BAZ2B: variants seen among roughly 807,000 people sequenced by gnomAD.
BAZ2B encodes the protein bromodomain adjacent to zinc finger domain 2B, also known as bromodomain adjacent to zinc finger domain protein 2B.
BAZ2B carries 91 observed loss-of-function variants against 246.0 expected under a neutral mutation model. The ratio of observed to expected loss-of-function variants is 0.37; its 90% CI spans 0.31 to 0.44. The LOEUF (loss-of-function observed/expected upper bound fraction) is 0.44, where lower values mean the gene tolerates loss of function less well. BAZ2B is among the 20% of genes least tolerant of loss of function. The pLI, the probability that BAZ2B is intolerant of heterozygous loss-of-function variation, is 1.00. For synonymous variants in BAZ2B, 855 were observed against 860.0 expected, an observed-to-expected ratio of 0.99 and a Z score of 0.10; for missense variants, 2,332 against 2,533.7, an observed-to-expected ratio of 0.92 and a Z score of 1.71.
rs143363688 is a variant in BAZ2B at position 159,530,951 on chromosome 2, C to T, written c.-3+24872G>A. On this transcript the variant is annotated intron_variant, in intron 2 of 36. Transcript: ENST00000392783. Reference sequence around the variant, plus strand: ...CGCCACTGCACTCTAGCCTGGGCAACAGAGACTCCGTCTCAAAACAAACAA... The same window carrying T: ...CGCCACTGCACTCTAGCCTGGGCAATAGAGACTCCGTCTCAAAACAAACAA... Among the ~76,000 whole-genome samples the T allele has an allele frequency of 1.9e-3, 282 of 151,806 alleles. 1 individual carries two copies. Among genetic ancestry groups the T allele is most frequent in the Non-Finnish European group, 3.1e-3 (213 of 67,834 alleles).
Position 159,349,777 on chromosome 2 carries a change from G to A in BAZ2B, c.4794C>T (p.Thr1598=), listed in dbSNP as rs371005064. The A allele has an allele frequency of 9.3e-6, 15 of 1,613,988 alleles. No individual in the cohort carries two copies. The highest frequency in any genetic ancestry group is 8.0e-5 in the African/African-American group (6 of 74,924). Residue 1598 remains threonine, a synonymous_variant, in exon 28 of 37, where the codon ACC becomes ACT. Coordinates refer to ENST00000392783, the MANE Select transcript of BAZ2B (RefSeq NM_013450.4). The part of the protein sequence containing the change: ...SQPPSKSPSP[T]PAPLGSSAQN... ...GAGCAGAAGATCCAAGAGGAGCTGG[G>A]GTAGGTGAAGGTGACTTAGATGGTG...
chr2:159,597,668 A>G (rs1393602664), intron 1 of BAZ2B, among the ~76,000 whole-genome samples: 3 of 152,148 alleles, frequency 2.0e-5, no homozygotes, highest in African/African-American at 7.2e-5. Flanking sequence ...CTGGGATTTC[A>G]GGCATGTGCC....
At chr2:159,455,705 A>C (rs2075649140) in intron 3 of BAZ2B, among the ~76,000 whole-genome samples, 1 of 151,600 alleles carries the variant, frequency 6.6e-6, no homozygotes. Context: ...TACTGCCAAA[A>C]AAGCTACCCA....
At chr2:159,648,906 A>C in the BAZ2B span, among the ~76,000 whole-genome samples, 1 of 152,172 alleles carries the variant, frequency 6.6e-6, no homozygotes, top group African/African-American at 2.4e-5. Context: ...CTGTTTACCA[A>C]AGTGGCTATA....
At chr2:159,556,522 G>A (rs775551589) in intron 1 of BAZ2B, among the ~76,000 whole-genome samples, 3 of 139,196 alleles carry the variant, frequency 2.2e-5, no homozygotes, top group South Asian at 2.1e-4. Flanking sequence ...GTGCAGTGGC[G>A]CGATCGTGGC....
chr2:159,355,060 C>G (rs7583758), intron 27 of BAZ2B, among the ~76,000 whole-genome samples: 62,307 of 152,058 alleles, frequency 0.41, 13,519 homozygotes, highest in Middle Eastern at 0.51. Flanking sequence ...ATCATTCTTG[C>G]TTCCAGTGAA....
At chr2:159,331,365 A>T (rs1039860657) in intron 34 of BAZ2B, among the ~76,000 whole-genome samples, 1 of 152,010 alleles carries the variant, frequency 6.6e-6, no homozygotes, top group Admixed American at 6.6e-5. Context: ...CTAACACCTT[A>T]TTTATTTATT....
intron 2 of BAZ2B, among the ~76,000 whole-genome samples, chr2:159,508,433 T>C (rs2151163587): frequency 6.6e-6 from 1 of 152,320 alleles, no homozygotes; most frequent in East Asian, 1.9e-4. Flanking sequence ...TTTGTTACAA[T>C]TATATGCTCT....
In BAZ2B at chr2:159,336,922, T is replaced by C; in HGVS notation, c.5796+20A>G. The C allele has an allele frequency of 1.3e-6, 2 of 1,556,232 alleles. No individual in the cohort carries two copies. Among genetic ancestry groups the C allele is most frequent in the Non-Finnish European group, 1.8e-6 (2 of 1,136,592 alleles). ...GACAAAGTAAATTAGTTATAATATT[T>C]CTTAAATAAAAACACTTACAACTTT... On this transcript the variant is annotated intron_variant, in intron 33 of 36. Transcript: ENST00000392783.
the BAZ2B span, among the ~76,000 whole-genome samples, chr2:159,692,920 T>C: frequency 2.0e-5 from 3 of 152,092 alleles, no homozygotes; most frequent in East Asian, 5.8e-4. Flanking sequence ...GCCATCCTCC[T>C]TTCTCAGTTT....
At chr2:159,570,727 TC>T (rs1255036440) in intron 1 of BAZ2B, among the ~76,000 whole-genome samples, 1 of 152,226 alleles carries the variant, frequency 6.6e-6, no homozygotes, top group African/African-American at 2.4e-5. Context: ...CTCTGACCTC[TC>T]CCTTCCAACT....
intron 1 of BAZ2B, among the ~76,000 whole-genome samples, chr2:159,582,806 T>G (rs1687141254): frequency 6.6e-6 from 1 of 152,238 alleles, no homozygotes; most frequent in Non-Finnish European, 1.5e-5. Context: ...AAAGACTTCC[T>G]AAGATATTCA....
At chr2:159,469,458 C>G (rs1339727289) in intron 3 of BAZ2B, among the ~76,000 whole-genome samples, 1 of 151,994 alleles carries the variant, frequency 6.6e-6, no homozygotes, top group Non-Finnish European at 1.5e-5. Flanking sequence ...ATTTTTGAGA[C>G]CGAGTCTCGC....
rs538397647 is a variant in BAZ2B, at chr2:159,382,932, T to TA, written c.3762-131dup. ...TTTGTGTTAAGCGATATACCAATGT[T>TA]AAAAAAAATTAGAATTAGGAAACTT... is the stretch of plus-strand genomic sequence containing the variant. On this transcript the variant is annotated intron_variant, in intron 24 of 36. Coordinates refer to ENST00000392783, the MANE Select transcript of BAZ2B (RefSeq NM_013450.4). 1,150 of 1,217,696 alleles carry TA rather than the reference T, an allele frequency of 9.4e-4. 9 individuals are homozygous for TA. The South Asian group carries it at 0.011, about 11-fold the overall frequency. 75.4% of individuals were successfully genotyped at this position (1,217,696 alleles called of 1,614,324 possible). A position where few individuals can be genotyped will look rare whatever the true frequency, so the allele number is the denominator to read the frequency against.
In BAZ2B at chr2:159,463,075, T is replaced by C; in HGVS notation, c.146-9274A>G. 8.4e-6 allele frequency: 6 copies of C among 714,872 alleles called. 1 individual carries two copies. Among genetic ancestry groups the C allele is most frequent in the African/African-American group, 7.0e-5 (4 of 57,216 alleles). The allele number at this position is 714,872 out of a possible 1,614,324, so 44.3% of individuals were successfully genotyped here. ...TCCTTCCATCTTCACGGGTGTGAAC[T>C]GATCCATGTTATAATGGGCAAATGC... On this transcript the variant is annotated intron_variant, in intron 3 of 36. Transcript: ENST00000392783.
chr2:159,681,411 A>C, the BAZ2B span, among the ~76,000 whole-genome samples: 1 of 151,550 alleles, frequency 6.6e-6, no homozygotes, highest in Non-Finnish European at 1.5e-5. Flanking sequence ...CAATACATAG[A>C]TATGAAAAAG....
At chr2:159,623,829 T>C in the BAZ2B span, among the ~76,000 whole-genome samples, 1 of 152,210 alleles carries the variant, frequency 6.6e-6, no homozygotes, top group Non-Finnish European at 1.5e-5. Context: ...CTGGAAATAA[T>C]CCAAATATCT....
Position 159,488,039 on chromosome 2 carries a change from AT to A in BAZ2B, c.-2-9319del, listed in dbSNP as rs560867987. Among the ~76,000 whole-genome samples the A allele has an allele frequency of 1.5e-3, 218 of 149,220 alleles. 2 individuals carry two copies. Among genetic ancestry groups the A allele is most frequent in the African/African-American group, 4.6e-3 (187 of 40,842 alleles). On this transcript the variant is annotated intron_variant, in intron 2 of 36. Coordinates refer to ENST00000392783, the MANE Select transcript of BAZ2B (RefSeq NM_013450.4). ...GGATTACAGGCCACAGCCCAATTGG[AT>A]TTTTTTTTTAACACAAAGAATTGGA...
intron 1 of BAZ2B, among the ~76,000 whole-genome samples, chr2:159,559,600 T>TA (rs914170317): frequency 2.6e-5 from 4 of 152,110 alleles, no homozygotes; most frequent in African/African-American, 7.2e-5. Context: ...GCTCATAGGA[T>TA]AAAAAAACTA....
Sources: allele counts gnomAD v4.1 joint callset (sites outside exome capture counted in the v4.1 genomes callset), GRCh38; gene constraint gnomAD v4.1.1; transcripts MANE v1.5; gene names NCBI Gene and HGNC (gene_info 2026-07-23, HGNC 2026-07-21).